The following PFKFB1 variants were observed in gnomAD, a reference collection of about 807,000 sequenced individuals.
PFKFB1 encodes the protein 6-phosphofructo-2-kinase/fructose-2,6-biphosphatase 1, also known as 6-phosphofructo-2-kinase/fructose-2,6-bisphosphatase 1.
A neutral mutation model predicts 46.4 loss-of-function variants in PFKFB1; 34 were observed. The observed-to-expected ratio is 0.73, with a 90% CI of 0.56 to 0.98. PFKFB1 has a LOEUF of 0.98. PFKFB1 is among the 50% of genes least tolerant of loss of function. The pLI is 0.00. For synonymous variants in PFKFB1, 119 were observed against 133.8 expected (o/e 0.89, Z 0.76); for missense variants, 393 against 376.3 (o/e 1.04, Z -0.37).
chrX:54,993,465 C>T (rs1255034007), intron 1 of PFKFB1, among the ~76,000 whole-genome samples: 1 of 111,542 alleles, frequency 9.0e-6, no homozygotes, highest in South Asian at 3.8e-4. Flanking sequence ...CAGCACCTGT[C>T]CCCTGAAAGA....
intron 10 of PFKFB1, among the ~76,000 whole-genome samples, chrX:54,938,102 G>C (rs1023493673): frequency 1.8e-5 from 2 of 112,186 alleles, no homozygotes; most frequent in Non-Finnish European, 3.8e-5. Flanking sequence ...AGTGGATGTA[G>C]CAGCCACAGC....
intron 1 of PFKFB1, among the ~76,000 whole-genome samples, chrX:54,973,210 G>A (rs951631441): frequency 9.0e-5 from 10 of 110,874 alleles, no homozygotes; most frequent in South Asian, 3.8e-4. Flanking sequence ...TTTTTATTGC[G>A]TCTATTTGCT....
intron 1 of PFKFB1, among the ~76,000 whole-genome samples, chrX:54,983,875 T>C (rs921204659): frequency 4.5e-5 from 5 of 111,976 alleles, no homozygotes; most frequent in African/African-American, 1.6e-4. Context: ...TGGTGTGAGA[T>C]GGTATCTCAC....
At chrX:54,968,418 A>G (rs1021393674) in intron 1 of PFKFB1, among the ~76,000 whole-genome samples, 6 of 108,939 alleles carry the variant, frequency 5.5e-5, no homozygotes, top group African/African-American at 2.0e-4. Flanking sequence ...ACATGTATAC[A>G]TATGTAACTA....
At chrX:54,957,323 A>G (rs761411344) in intron 6 of PFKFB1, among the ~76,000 whole-genome samples, 152 of 111,596 alleles carry the variant, frequency 1.4e-3, no homozygotes, top group African/African-American at 4.8e-3. Flanking sequence ...GCCCCCATGC[A>G]AAGTTAGGCC....
At chrX:54,954,081 T>G (rs6521220) in intron 7 of PFKFB1, among the ~76,000 whole-genome samples, 4,482 of 111,693 alleles carry the variant, frequency 0.04, 202 homozygotes, top group African/African-American at 0.14. Context: ...ATTTAAAAAT[T>G]TTTTAAAAAA....
intron 1 of PFKFB1, among the ~76,000 whole-genome samples, chrX:54,963,757 C>T (rs772912947): frequency 8.9e-6 from 1 of 112,465 alleles, no homozygotes; most frequent in South Asian, 3.6e-4. Flanking sequence ...CAATTTTGCA[C>T]CCCTTTGCAG....
chrX:54,944,628 A>C (rs1343469871), intron 10 of PFKFB1, among the ~76,000 whole-genome samples: 1 of 112,034 alleles, frequency 8.9e-6, no homozygotes, highest in African/African-American at 3.2e-5. Flanking sequence ...AGGATTATCG[A>C]GGAGAAAGAG....
chrX:54,961,878 G>A (rs1569546969), intron 2 of PFKFB1, among the ~76,000 whole-genome samples: 1 of 111,724 alleles, frequency 9.0e-6, no homozygotes, highest in Non-Finnish European at 1.9e-5. Flanking sequence ...AGGCATTCCA[G>A]GTAGAGGAAC....
At chrX:54,981,528 C>A (rs1445660407) in intron 1 of PFKFB1, among the ~76,000 whole-genome samples, 1 of 111,086 alleles carries the variant, frequency 9.0e-6, no homozygotes, top group Non-Finnish European at 1.9e-5. Flanking sequence ...TTCATGCAAA[C>A]AACTCTAAGA....
chrX:54,966,257 T>C (rs1206450914), intron 1 of PFKFB1, among the ~76,000 whole-genome samples: 1 of 111,863 alleles, frequency 8.9e-6, no homozygotes, highest in Non-Finnish European at 1.9e-5. Flanking sequence ...AATATAAAAC[T>C]CTGAGAGAAT....
Position 54,975,629 on chromosome X carries a change from AAAAT to A in PFKFB1, c.98-12251_98-12248del, listed in dbSNP as rs1239138685. 3.6e-5 allele frequency among the ~76,000 whole-genome samples: 4 copies of A among 111,254 alleles called. No homozygotes were observed. The South Asian group carries it at 1.5e-3, about 41-fold the overall frequency. On this transcript the variant is annotated intron_variant, in intron 1 of 13. Transcript: ENST00000375006. ...ACCATCTGTACCCTAAAAACTATTG[AAAAT>A]AAATAAATAAATAAAACAATGTTGG...
rs949771262 is a variant in PFKFB1 at position 54,993,234 on chromosome X, A to C, written c.97+677T>G. Among the ~76,000 whole-genome samples the C allele has an allele frequency of 9.8e-5, 11 of 112,417 alleles. 1 individual carries two copies. Among genetic ancestry groups the C allele is most frequent in the Admixed American group, 5.6e-4 (6 of 10,642 alleles). ...ATGTACAGGTTTTGTTTTGCCCTTG[A>C]TCTTTCTTAAATTTCCAAAGTGAGC... On this transcript the variant is annotated intron_variant, in intron 1 of 13. Coordinates refer to ENST00000375006, the MANE Select transcript of PFKFB1 (RefSeq NM_002625.4).
chrX:54,981,254 C>CA lies in PFKFB1; in HGVS notation c.97+12656dup, dbSNP rs905489929. Among the ~76,000 whole-genome samples the CA allele has an allele frequency of 1.5e-3, 158 of 107,343 alleles. 1 individual carries two copies. The highest frequency in any genetic ancestry group is 9.6e-3 in the Middle Eastern group (2 of 208). The allele number at this position is 107,343 out of a possible 115,157, so 93.2% of individuals were successfully genotyped here. A position where few individuals can be genotyped will look rare whatever the true frequency, so the allele number is the denominator to read the frequency against. ...CCCAACTTTAAACAAAACAAACAAACAAAAAAAAACAAGCAACATTTAGAA... is the reference window on the plus strand; with the variant it reads ...CCCAACTTTAAACAAAACAAACAAACAAAAAAAAAACAAGCAACATTTAGAA... On this transcript the variant is annotated intron_variant, in intron 1 of 13. Coordinates refer to ENST00000375006, the MANE Select transcript of PFKFB1 (RefSeq NM_002625.4).
At chrX:54,961,195 A>C (rs1432309912) in intron 2 of PFKFB1, among the ~76,000 whole-genome samples, 1 of 110,717 alleles carries the variant, frequency 9.0e-6, no homozygotes, top group Non-Finnish European at 1.9e-5. Flanking sequence ...GATATCTGAG[A>C]TCAAACCCAG....
At chrX:54,964,774 G>C in intron 1 of PFKFB1, among the ~76,000 whole-genome samples, 1 of 111,592 alleles carries the variant, frequency 9.0e-6, no homozygotes. Flanking sequence ...TGATTAGTAT[G>C]TTAAAGGCTC....
intron 1 of PFKFB1, among the ~76,000 whole-genome samples, chrX:54,992,411 G>A (rs766877073): frequency 8.9e-6 from 1 of 111,998 alleles, no homozygotes; most frequent in African/African-American, 3.2e-5. Flanking sequence ...TTACAAGTGA[G>A]GAAACAGAAG....
chrX:54,936,175 T>G (rs2146586593), intron 11 of PFKFB1, among the ~76,000 whole-genome samples: 1 of 111,461 alleles, frequency 9.0e-6, no homozygotes, highest in South Asian at 3.8e-4. Flanking sequence ...CTGAGATCTC[T>G]GACCCAGCTC....
chrX:54,981,825 A>G (rs1008942702), intron 1 of PFKFB1, among the ~76,000 whole-genome samples: 1 of 111,532 alleles, frequency 9.0e-6, no homozygotes, highest in Non-Finnish European at 1.9e-5. Flanking sequence ...CACACTGAAA[A>G]TCAATGACTT....
Sources: gnomAD v4.1 joint callset for allele counts (sites outside exome capture counted in the v4.1 genomes callset) on GRCh38, gnomAD v4.1.1 for gene constraint, MANE v1.5 for transcripts, NCBI Gene and HGNC (gene_info 2026-07-23, HGNC 2026-07-21) for gene names.